Variants in PDE1A observed in about 807,000 individuals in gnomAD.
PDE1A encodes the protein dual specificity calcium/calmodulin-dependent 3',5'-cyclic nucleotide phosphodiesterase 1A.
PDE1A carries 35 observed loss-of-function variants against 61.7 expected under a neutral mutation model. The observed-to-expected ratio is 0.57, with a 90% CI of 0.43 to 0.75. PDE1A has a LOEUF of 0.75. Among genes scored for constraint, PDE1A ranks in the 30% least tolerant of loss-of-function variants. PDE1A has a pLI of 0.00. For synonymous variants in PDE1A, 232 were observed against 213.2 expected (o/e 1.09, Z -0.77); for missense variants, 597 against 630.6 (o/e 0.95, Z 0.57).
chr2:182,602,848 T>C, the PDE1A span, among the ~76,000 whole-genome samples: 1 of 152,196 alleles, frequency 6.6e-6, no homozygotes, highest in Non-Finnish European at 1.5e-5. Context: ...GTGGCTTTCA[T>C]GAAACTGAAG....
At chr2:182,672,216 T>C in the PDE1A span, among the ~76,000 whole-genome samples, 1 of 152,242 alleles carries the variant, frequency 6.6e-6, no homozygotes, top group African/African-American at 2.4e-5. Flanking sequence ...TTCCCATTGT[T>C]ACCTATTGGT....
intron 1 of PDE1A, among the ~76,000 whole-genome samples, chr2:182,264,658 T>C (rs903127794): frequency 6.6e-6 from 1 of 151,660 alleles, no homozygotes; most frequent in Admixed American, 6.6e-5. Flanking sequence ...AGTTTAAGTA[T>C]AATATTTCAG....
chr2:182,634,857 A>G, the PDE1A span, among the ~76,000 whole-genome samples: 4 of 152,224 alleles, frequency 2.6e-5, no homozygotes, highest in Non-Finnish European at 2.9e-5. Flanking sequence ...AAGCTTAATT[A>G]CTACATTCAT....
chr2:182,716,236 A>G, the PDE1A span: 3 of 151,672 alleles, frequency 2.0e-5, no homozygotes, highest in Non-Finnish European at 4.4e-5. Flanking sequence ...CTTTCCCACA[A>G]TGCTCCGCGC....
intron 1 of PDE1A, among the ~76,000 whole-genome samples, chr2:182,406,147 T>G (rs1182297632): frequency 1.3e-5 from 2 of 152,124 alleles, no homozygotes. Flanking sequence ...ACTTCAACTG[T>G]ATATAGCTCT....
At chr2:182,283,745 T>A (rs1574247367) in intron 1 of PDE1A, among the ~76,000 whole-genome samples, 1 of 152,196 alleles carries the variant, frequency 6.6e-6, no homozygotes, top group Admixed American at 6.6e-5. Context: ...GAACCATCAC[T>A]ACAACTTGAC....
At chr2:182,557,529 T>C in the PDE1A span, among the ~76,000 whole-genome samples, 1 of 152,056 alleles carries the variant, frequency 6.6e-6, no homozygotes, top group East Asian at 1.9e-4. Flanking sequence ...CTGGGGAACA[T>C]GATGAGACCC....
At chr2:182,265,419 A>C (rs1197249374) in intron 1 of PDE1A, among the ~76,000 whole-genome samples, 1 of 152,144 alleles carries the variant, frequency 6.6e-6, no homozygotes, top group Admixed American at 6.6e-5. Flanking sequence ...TTGAGACAAG[A>C]AAAAATATAC....
intron 13 of PDE1A, among the ~76,000 whole-genome samples, chr2:182,159,288 G>C (rs1574517848): frequency 6.6e-6 from 1 of 152,290 alleles, no homozygotes; most frequent in Admixed American, 6.5e-5. Flanking sequence ...AAAGTATTTA[G>C]ATAAAGATGG....
intron 2 of PDE1A, among the ~76,000 whole-genome samples, chr2:182,504,398 AT>A (rs1689272648): frequency 6.6e-6 from 1 of 152,236 alleles, no homozygotes; most frequent in Non-Finnish European, 1.5e-5. Context: ...AGAATTAGGA[AT>A]TTTAAAAACA....
chr2:182,183,980 G>T (rs908551902), intron 13 of PDE1A, among the ~76,000 whole-genome samples: 4 of 119,400 alleles, frequency 3.4e-5, no homozygotes, highest in Non-Finnish European at 7.1e-5. Flanking sequence ...AAGGAAGGAA[G>T]GAACAAAAGA....
chr2:182,481,089 T>C (rs1559501165), intron 2 of PDE1A, among the ~76,000 whole-genome samples: 1 of 151,864 alleles, frequency 6.6e-6, no homozygotes, highest in Non-Finnish European at 1.5e-5. Context: ...AGGGTCATAC[T>C]TTAAAATAAA....
chr2:182,601,511 C>T, the PDE1A span, among the ~76,000 whole-genome samples: 2 of 152,230 alleles, frequency 1.3e-5, no homozygotes, highest in African/African-American at 4.8e-5. Context: ...GTGTCTGTTA[C>T]AGATCTTCTA....
At chr2:182,296,046 T>C (rs1694862498) in intron 1 of PDE1A, among the ~76,000 whole-genome samples, 1 of 152,180 alleles carries the variant, frequency 6.6e-6, no homozygotes, top group Non-Finnish European at 1.5e-5. Flanking sequence ...TTAAGCAAGG[T>C]AATGCTTTCA....
At chr2:182,275,379 C>T (rs746862688) in intron 1 of PDE1A, among the ~76,000 whole-genome samples, 29 of 152,206 alleles carry the variant, frequency 1.9e-4, no homozygotes, top group Non-Finnish European at 3.5e-4. Context: ...AGTCAGCTGA[C>T]AGGAACCTGG....
chr2:182,292,733 CTCTT>C (rs1694620021), intron 1 of PDE1A, among the ~76,000 whole-genome samples: 1 of 151,962 alleles, frequency 6.6e-6, no homozygotes, highest in African/African-American at 2.4e-5. Context: ...AGTAGTAAAA[CTCTT>C]TCTCTATCTC....
the PDE1A span, among the ~76,000 whole-genome samples, chr2:182,577,935 A>AGGAAGGAAGGAG: frequency 1.7e-5 from 1 of 59,262 alleles, no homozygotes; most frequent in Admixed American, 2.3e-4. Flanking sequence ...AGAAAACGGA[A>AGGAAGGAAGGAG]GGAAGGAAGG....
At chr2:182,712,643 G>A in the PDE1A span, among the ~76,000 whole-genome samples, 1 of 151,810 alleles carries the variant, frequency 6.6e-6, no homozygotes, top group East Asian at 1.9e-4. Flanking sequence ...TGCAAGCTCC[G>A]CCTCTCAGGT....
intron 1 of PDE1A, among the ~76,000 whole-genome samples, chr2:182,347,210 T>C (rs1386630339): frequency 6.6e-6 from 1 of 152,226 alleles, no homozygotes; most frequent in East Asian, 1.9e-4. Flanking sequence ...AATTTTTAAT[T>C]TTGTTTAAAG....
Sources: allele counts gnomAD v4.1 joint callset (sites outside exome capture counted in the v4.1 genomes callset), GRCh38; gene constraint gnomAD v4.1.1; transcripts MANE v1.5; gene names NCBI Gene and HGNC (gene_info 2026-07-23, HGNC 2026-07-21).